FLT3: variants seen among roughly 807,000 people sequenced by gnomAD.
FLT3 encodes receptor-type tyrosine-protein kinase FLT3.
In FLT3, 46 loss-of-function variants were observed where a neutral mutation model predicts 126.6. The observed-to-expected ratio is 0.36, with a 90% CI of 0.29 to 0.46. The LOEUF (loss-of-function observed/expected upper bound fraction) is 0.46. FLT3 is among the 20% of genes least tolerant of loss of function. The probability of loss-of-function intolerance (pLI) is 1.00; values close to 1 mark genes in which losing one functional copy is unlikely to be tolerated. For missense variants in FLT3, 1,069 were observed against 1,190.3 expected, an observed-to-expected ratio of 0.90 and a Z score of 1.50; for synonymous variants, 404 against 434.4, an observed-to-expected ratio of 0.93 and a Z score of 0.87.
rs1283935942 is a variant in FLT3 at position 28,034,289 on chromosome 13, CTT to C, written c.1704+10_1704+11del. 1 of 1,613,162 alleles carries C rather than the reference CTT, an allele frequency of 6.2e-7. No individual in the cohort carries two copies. Among genetic ancestry groups the C allele is most frequent in the Admixed American group, 1.7e-5 (1 of 59,966 alleles). ...AGAGGAAAGAATAATGAATTTTTAC[CTT>C]TGCTTTTACCTTTTTGTACTTGTGA... is the stretch of plus-strand genomic sequence containing the variant. On this transcript the variant is annotated intron_variant, in intron 13 of 23. Coordinates refer to ENST00000241453, the MANE Select transcript of FLT3 (RefSeq NM_004119.3).
chr13:28,086,325 G>A (rs1878667683), intron 1 of FLT3, among the ~76,000 whole-genome samples: 1 of 152,190 alleles, frequency 6.6e-6, no homozygotes, highest in Admixed American at 6.5e-5. Context: ...ACCTTTAGGT[G>A]ATGTTACATT....
intron 1 of FLT3, among the ~76,000 whole-genome samples, chr13:28,091,876 C>G (rs1879129207): frequency 1.3e-5 from 2 of 151,998 alleles, no homozygotes; most frequent in African/African-American, 4.8e-5. Context: ...TCGAAACCAG[C>G]CTGGCCAACA....
intron 1 of FLT3, among the ~76,000 whole-genome samples, chr13:28,074,519 T>C (rs573099627): frequency 1.3e-5 from 2 of 152,330 alleles, no homozygotes; most frequent in African/African-American, 4.8e-5. Flanking sequence ...AGCTTTTATG[T>C]TCCCACTCGC....
chr13:28,027,238 G>T lies in FLT3; in HGVS notation c.2057C>A (p.Pro686Gln). 2.5e-6 allele frequency: 4 copies of T among 1,608,728 alleles called. No individual in the cohort carries two copies. Among genetic ancestry groups the T allele is most frequent in the Non-Finnish European group, 2.5e-6 (3 of 1,177,132 alleles). ...NLLGACTLSG[P>Q]IYLIFEYCCY... ...ACAGTATTCAAAAATCAAGTAAATTGGTCCTGAAATAGTTACAGTTTCAAT... is the reference window on the plus strand; with the variant it reads ...ACAGTATTCAAAAATCAAGTAAATTTGTCCTGAAATAGTTACAGTTTCAAT... The change falls in exon 17 of 24, where the codon CCA becomes CAA. Residue 686 changes from proline to glutamine, a missense_variant. By Grantham distance (76) the Pro-to-Gln change is moderately conservative. Transcript: ENST00000241453.
At chr13:28,091,432 A>G (rs552016890) in intron 1 of FLT3, among the ~76,000 whole-genome samples, 5,389 of 149,880 alleles carry the variant, frequency 0.036, 142 homozygotes, top group Middle Eastern at 0.068. Flanking sequence ...CGTGTTAGCC[A>G]GGATGGTCTC....
chr13:28,047,615 G>A lies in FLT3; in HGVS notation c.1205+660C>T, dbSNP rs192988886. Among the ~76,000 whole-genome samples the A allele has an allele frequency of 3.0e-4, 46 of 151,910 alleles. No individual in the cohort carries two copies. In the Middle Eastern group the frequency reaches 0.01, roughly 34 times the overall value. Reference sequence around the variant, plus strand: ...TGGTACCAGCTACTTGGGAGGCTGAGGTGGGAGGATCACTTGAGCCTGGGA... The same window carrying A: ...TGGTACCAGCTACTTGGGAGGCTGAAGTGGGAGGATCACTTGAGCCTGGGA... On this transcript the variant is annotated intron_variant, in intron 9 of 23. Transcript: ENST00000241453.
chr13:28,015,806 T>C (rs1402114412), intron 20 of FLT3, 105 bp from the exon 21 acceptor site: 1 of 690,186 alleles, frequency 1.4e-6, no homozygotes, highest in Non-Finnish European at 2.6e-6. Flanking sequence ...AAGACCACTC[T>C]TAATGCCTTA....
intron 10 of FLT3, among the ~76,000 whole-genome samples, chr13:28,036,692 A>G (rs1249062324): frequency 1.3e-5 from 2 of 152,222 alleles, no homozygotes; most frequent in Non-Finnish European, 2.9e-5. Flanking sequence ...AGAAAGAGAT[A>G]TATGGCCAGG....
chr13:28,091,656 T>C (rs1879114584), intron 1 of FLT3, among the ~76,000 whole-genome samples: 1 of 151,964 alleles, frequency 6.6e-6, no homozygotes, highest in African/African-American at 2.4e-5. Context: ...CTGGTGAGGC[T>C]GGGTGCAGTG....
At chr13:28,055,238 T>C (rs1023748227) in intron 4 of FLT3, among the ~76,000 whole-genome samples, 3 of 152,206 alleles carry the variant, frequency 2.0e-5, no homozygotes, top group African/African-American at 7.2e-5. Context: ...TAGCTCAGGT[T>C]TCCTGACTCA....
chr13:28,081,129 G>A (rs943841172), intron 1 of FLT3, among the ~76,000 whole-genome samples: 4 of 151,978 alleles, frequency 2.6e-5, no homozygotes, highest in African/African-American at 9.7e-5. Context: ...ATTTCCATAT[G>A]AATTTTAGAA....
At chr13:28,061,623 A>C (rs1318945442) in intron 3 of FLT3, among the ~76,000 whole-genome samples, 1 of 151,960 alleles carries the variant, frequency 6.6e-6, no homozygotes, top group Non-Finnish European at 1.5e-5. Flanking sequence ...TTAAAAAATT[A>C]GCTGGGTGTG....
intron 3 of FLT3, among the ~76,000 whole-genome samples, chr13:28,058,232 C>T (rs9551429): frequency 0.22 from 23,036 of 105,712 alleles, 2,069 homozygotes; most frequent in Middle Eastern, 0.31. Flanking sequence ...AAAAAAAAAA[C>T]GGCCAGGTAC....
chr13:28,099,069 A>G (rs1400463757), intron 1 of FLT3, among the ~76,000 whole-genome samples: 1 of 152,186 alleles, frequency 6.6e-6, no homozygotes, highest in African/African-American at 2.4e-5. Flanking sequence ...AGATGTGTGC[A>G]TATTTACTGT....
intron 23 of FLT3, 89 bp downstream of exon 23, chr13:28,014,363 G>T (rs776587626): frequency 9.0e-5 from 83 of 923,822 alleles, no homozygotes; most frequent in Non-Finnish European, 1.3e-4. Context: ...TGACAACTTG[G>T]TACCTTTGGT....
Position 28,048,372 on chromosome 13 carries a change from A to G in FLT3, c.1108T>C (p.Ser370Pro). ...EIDQYEEFCF[S>P]VRFKAYPQIR... ...TGTGGGTAGGCTTTAAACCTGACAG[A>G]AAAACAAAACTCTTCATATTGGTCA... Residue 370 changes from serine to proline, a missense_variant, in exon 9 of 24, where the codon TCT (serine) becomes CCT (proline). By Grantham distance (74) the Ser-to-Pro change is moderately conservative (BLOSUM62 -1). Coordinates refer to ENST00000241453, the MANE Select transcript of FLT3 (RefSeq NM_004119.3). 6.2e-7 allele frequency: 1 copy of G among 1,612,794 alleles called. No homozygotes were observed. The highest frequency in any genetic ancestry group is 2.2e-5 in the East Asian group (1 of 44,854).
Position 28,006,306 on chromosome 13 carries a change from T to TTA in FLT3, c.2860-2133_2860-2132insTA, listed in dbSNP as rs375433153. Among the ~76,000 whole-genome samples the TTA allele has an allele frequency of 9.1e-4, 134 of 147,096 alleles. 1 individual carries two copies. Among genetic ancestry groups the TTA allele is most frequent in the African/African-American group, 3.2e-3 (128 of 40,120 alleles). On this transcript the variant is annotated intron_variant, in intron 23 of 23. Transcript: ENST00000241453. ...ACACTTCACTTTTCTTTCTAGAAAA[T>TTA]TGTGTGTGTGTGTGTGTGTGTGTGT...
intron 20 of FLT3, among the ~76,000 whole-genome samples, chr13:28,017,821 C>G (rs539137865): frequency 2.6e-5 from 4 of 152,076 alleles, no homozygotes; most frequent in East Asian, 1.9e-4. Context: ...CACGCCACCA[C>G]GCCCAGCTAA....
chr13:28,073,457 G>C, intron 1 of FLT3: 1 of 364,896 alleles, frequency 2.7e-6, no homozygotes, highest in South Asian at 2.2e-5. Context: ...CATAATCTGA[G>C]ACAGTCTCAG....
Sources: allele counts gnomAD v4.1 joint callset (sites outside exome capture counted in the v4.1 genomes callset), GRCh38; gene constraint gnomAD v4.1.1; transcripts MANE v1.5; gene names NCBI Gene and HGNC (gene_info 2026-07-23, HGNC 2026-07-21).